Variants in TRABD2B observed in about 807,000 individuals in gnomAD.
TRABD2B encodes metalloprotease TIKI2.
TRABD2B carries 14 observed loss-of-function variants against 40.1 expected under a neutral mutation model. The observed-to-expected ratio is 0.35, with a 90% CI of 0.23 to 0.55. The LOEUF (loss-of-function observed/expected upper bound fraction) is 0.55. Ranked by LOEUF, TRABD2B falls within the 20% of genes least tolerant of loss-of-function variation. The probability of loss-of-function intolerance (pLI) is 0.90; values close to 1 mark genes in which losing one functional copy is unlikely to be tolerated. For missense variants in TRABD2B, 541 were observed against 648.6 expected, an observed-to-expected ratio of 0.83 and a Z score of 1.80; for synonymous variants, 263 against 277.0, an observed-to-expected ratio of 0.95 and a Z score of 0.50.
chr1:47,986,569 T>C (rs1353240227), intron 2 of TRABD2B, among the ~76,000 whole-genome samples: 1 of 152,188 alleles, frequency 6.6e-6, no homozygotes, highest in Non-Finnish European at 1.5e-5. Context: ...GAAAAATATA[T>C]GTGGCTGGGT....
At chr1:47,802,250 C>T (rs946097644) in intron 2 of TRABD2B, among the ~76,000 whole-genome samples, 1 of 152,218 alleles carries the variant, frequency 6.6e-6, no homozygotes, top group African/African-American at 2.4e-5. Flanking sequence ...GGATCACTGA[C>T]AAAATGTCAG....
intron 2 of TRABD2B, among the ~76,000 whole-genome samples, chr1:47,902,521 A>G (rs541355671): frequency 6.6e-6 from 1 of 152,340 alleles, no homozygotes; most frequent in African/African-American, 2.4e-5. Context: ...TTAAGAGACA[A>G]GGTCTCACTC....
chr1:47,769,868 A>G (rs1260717334), intron 6 of TRABD2B, among the ~76,000 whole-genome samples: 1 of 152,178 alleles, frequency 6.6e-6, no homozygotes, highest in Non-Finnish European at 1.5e-5. Context: ...CGGTTTCCCC[A>G]TCAACACAAT....
At chr1:47,832,105 C>T (rs1014210596) in intron 2 of TRABD2B, among the ~76,000 whole-genome samples, 5 of 151,998 alleles carry the variant, frequency 3.3e-5, no homozygotes, top group South Asian at 2.1e-4. Context: ...GGCCAAGGCG[C>T]GCGGATCACG....
chr1:47,874,303 G>A (rs1463839936), intron 2 of TRABD2B, among the ~76,000 whole-genome samples: 2 of 125,908 alleles, frequency 1.6e-5, no homozygotes, highest in African/African-American at 3.1e-5. Flanking sequence ...CTGTCGCCCA[G>A]GCCGGACTGC....
In TRABD2B at chr1:47,794,659, C is replaced by T. The variant is rs771976418; in HGVS notation, c.915G>A (p.Glu305=). Residue 305 remains glutamate (E), a synonymous_variant, in exon 4 of 7, where the codon GAG becomes GAA. Coordinates refer to ENST00000606738, the MANE Select transcript of TRABD2B (RefSeq NM_001194986.2). ...GCGCCATGACCCTCTTCCCCATGCG[C>T]TCATTCCTCTTGTAGATGAGCTCCT... ...FRQELIYKRN[E]RMGKRVMALL... The T allele has an allele frequency of 2.0e-6, 3 of 1,536,714 alleles. No individual in the cohort carries two copies. Among genetic ancestry groups the T allele is most frequent in the African/African-American group, 2.7e-5 (2 of 73,056 alleles).
intron 2 of TRABD2B, among the ~76,000 whole-genome samples, chr1:47,846,656 A>G (rs965723792): frequency 6.6e-6 from 1 of 152,122 alleles, no homozygotes; most frequent in African/African-American, 2.4e-5. Flanking sequence ...AAAGGAAAAA[A>G]ATCCCTGCAG....
chr1:47,994,685 T>C lies in TRABD2B; in HGVS notation c.103-88A>G, dbSNP rs1426696377. ...CCCAGAGGCACGTTGCAGAGGGAGG[T>C]GGGGATGGGAGGCAGAGACCATACA... On this transcript the variant is annotated intron_variant, in intron 1 of 6. Transcript: ENST00000606738. The surrounding 1 kb of genome is among the most constrained non-coding windows in gnomAD (Gnocchi z 6.7). 8.1e-7 allele frequency: 1 copy of C among 1,232,672 alleles called. No individual in the cohort carries two copies. The highest frequency in any genetic ancestry group is 1.1e-6 in the Non-Finnish European group (1 of 899,940). 76.4% of individuals were successfully genotyped at this position (1,232,672 alleles called of 1,614,324 possible). A position where few individuals can be genotyped will look rare whatever the true frequency, so the allele number is the denominator to read the frequency against.
chr1:47,895,700 T>C (rs1005019183), intron 2 of TRABD2B, among the ~76,000 whole-genome samples: 2 of 152,000 alleles, frequency 1.3e-5, no homozygotes, highest in Non-Finnish European at 2.9e-5. Context: ...TCTAGGGAGG[T>C]TGGATTAAAA....
rs34224127 is a variant in TRABD2B, at chr1:47,775,098, T to TG, written c.1349+71dup. ...GGCCTGACGACAGTGTGCCCAGCTG[T>TG]GGGGGGTTCAGGGTATACTATCCCG... is the stretch of plus-strand genomic sequence containing the variant. On this transcript the variant is annotated intron_variant, in intron 6 of 6. Transcript: ENST00000606738. 11 of 1,223,880 alleles carry TG rather than the reference T, an allele frequency of 9.0e-6. No homozygotes were observed. The African/African-American group carries it at 1.4e-4, about 16-fold the overall frequency. The allele number at this position is 1,223,880 out of a possible 1,614,324, so 75.8% of individuals were successfully genotyped here. A position where few individuals can be genotyped will look rare whatever the true frequency, so the allele number is the denominator to read the frequency against.
intron 4 of TRABD2B, among the ~76,000 whole-genome samples, chr1:47,782,566 G>A (rs968943659): frequency 6.6e-6 from 1 of 152,214 alleles, no homozygotes; most frequent in Non-Finnish European, 1.5e-5. Flanking sequence ...GAAAAAACCT[G>A]TTACTCCATA....
chr1:47,898,410 T>C (rs1286174527), intron 2 of TRABD2B, among the ~76,000 whole-genome samples: 2 of 152,188 alleles, frequency 1.3e-5, no homozygotes, highest in Non-Finnish European at 2.9e-5. Context: ...GACCTCAGGA[T>C]GGCAGAAGTT....
At position 47,764,168 on chromosome 1, in the gene TRABD2B, A is replaced by C. The variant is rs959953003; in HGVS notation, c.*1734T>G. ...ATGGCACTGGGGCCAATTAGCTGCC[A>C]TCAAGCCTGCCAGGGAAACCCACGA... is the stretch of plus-strand genomic sequence containing the variant. On this transcript the variant is annotated 3_prime_UTR_variant, in exon 7 of 7. Transcript: ENST00000606738. The C allele has an allele frequency of 6.6e-6, 1 of 152,272 alleles. No individual in the cohort carries two copies. The highest frequency in any genetic ancestry group is 1.5e-5 in the Non-Finnish European group (1 of 68,058). 9.4% of individuals were successfully genotyped at this position (152,272 alleles called of 1,614,324 possible).
intron 5 of TRABD2B, among the ~76,000 whole-genome samples, chr1:47,777,890 G>A (rs1434767760): frequency 6.6e-6 from 1 of 152,214 alleles, no homozygotes; most frequent in African/African-American, 2.4e-5. Flanking sequence ...CTCCCAGACT[G>A]TGGGGGTGGG....
At chr1:47,783,464 G>A (rs910442918) in intron 4 of TRABD2B, among the ~76,000 whole-genome samples, 1 of 152,122 alleles carries the variant, frequency 6.6e-6, no homozygotes, top group Non-Finnish European at 1.5e-5. Context: ...GTCATGTATC[G>A]AGGACTCCCC....
intron 2 of TRABD2B, among the ~76,000 whole-genome samples, chr1:47,856,434 T>C (rs1214979945): frequency 1.3e-5 from 2 of 152,260 alleles, no homozygotes; most frequent in African/African-American, 4.8e-5. Flanking sequence ...GCTGGGTGGA[T>C]GAATGCAGTT....
chr1:47,824,199 C>T (rs11584195), intron 2 of TRABD2B, among the ~76,000 whole-genome samples: 3,610 of 152,292 alleles, frequency 0.024, 112 homozygotes, highest in Admixed American at 0.094. Flanking sequence ...CAGGCTCGCT[C>T]GTGTCCTCTT....
intron 2 of TRABD2B, among the ~76,000 whole-genome samples, chr1:47,920,002 C>T (rs1644881005): frequency 6.6e-6 from 1 of 152,192 alleles, no homozygotes. Flanking sequence ...CCTGCCTCAG[C>T]TTCCTGTACA....
chr1:47,802,324 C>T (rs1446267022), intron 2 of TRABD2B, among the ~76,000 whole-genome samples: 1 of 152,160 alleles, frequency 6.6e-6, no homozygotes, highest in African/African-American at 2.4e-5. Flanking sequence ...CTGCACACTT[C>T]CTAAGCAGTC....
Sources: allele counts gnomAD v4.1 joint callset (sites outside exome capture counted in the v4.1 genomes callset), GRCh38; gene constraint gnomAD v4.1.1; non-coding constraint Gnocchi (gnomAD v3.1); transcripts MANE v1.5; gene names NCBI Gene and HGNC (gene_info 2026-07-23, HGNC 2026-07-21).